CELF2: variants seen among roughly 807,000 people sequenced by gnomAD.
CELF2 encodes CUG triplet repeat RNA-binding protein 2.
A neutral mutation model predicts 62.6 loss-of-function variants in CELF2; 8 were observed. The ratio of observed to expected loss-of-function variants is 0.13; its 90% CI spans 0.07 to 0.23. CELF2 has a LOEUF of 0.23. Ranked by LOEUF, CELF2 falls within the 10% of genes least tolerant of loss-of-function variation. The pLI, the probability that CELF2 is intolerant of heterozygous loss-of-function variation, is 1.00. For synonymous variants in CELF2, 258 were observed against 250.0 expected (o/e 1.03, Z -0.30); for missense variants, 333 against 671.0 (o/e 0.50, Z 5.56).
At chr10:11,133,147 A>G (rs1442109264) in intron 1 of CELF2, among the ~76,000 whole-genome samples, 2 of 152,244 alleles carry the variant, frequency 1.3e-5, no homozygotes, top group African/African-American at 4.8e-5. Context: ...AGCAGGAAAC[A>G]TAAAAGTCTA....
In CELF2 at chr10:11,110,971, A is replaced by G. The variant is rs2055002255; in HGVS notation, c.75-54515A>G. On this transcript the variant is annotated intron_variant, in intron 1 of 12. Coordinates refer to ENST00000633077, the MANE Select transcript of CELF2 (RefSeq NM_001326342.2). This position sits in a 1 kb window ranked among gnomAD's most constrained non-coding sequence, Gnocchi z 4.0. The stretch of plus-strand genomic sequence containing the variant: ...CGTCCAGCAAGGCCCTTTTGGGAGA[A>G]GGGTTATAAGGTTGGAAGATAATCA... 6.6e-6 allele frequency among the ~76,000 whole-genome samples: 1 copy of G among 152,184 alleles called. No homozygotes were observed. Among genetic ancestry groups the G allele is most frequent in the African/African-American group, 2.4e-5 (1 of 41,450 alleles).
At chr10:10,756,662 ATTCCT>A in the CELF2 span, among the ~76,000 whole-genome samples, 3 of 151,986 alleles carry the variant, frequency 2.0e-5, no homozygotes, top group Non-Finnish European at 4.4e-5. Flanking sequence ...ATTTTTATTG[ATTCCT>A]TTATTTTTCT....
the CELF2 span, among the ~76,000 whole-genome samples, chr10:10,485,148 T>G: frequency 6.6e-6 from 1 of 152,212 alleles, no homozygotes; most frequent in East Asian, 1.9e-4. Flanking sequence ...TGATAATAGA[T>G]TCAATTACAT....
chr10:11,314,525 C>T lies in CELF2; in HGVS notation c.1096+267C>T. 2 of 499,750 alleles carry T rather than the reference C, an allele frequency of 4.0e-6. No homozygotes were observed. Among genetic ancestry groups the T allele is most frequent in the South Asian group, 3.9e-5 (2 of 51,456 alleles). 31.0% of individuals were successfully genotyped at this position (499,750 alleles called of 1,614,324 possible). ...CCATGGGGTTCTGTGGCTGGCAGCTCTTTTCAGGTTTCCAGGAGTTTGGTT... is the reference window on the plus strand; with the variant it reads ...CCATGGGGTTCTGTGGCTGGCAGCTTTTTTCAGGTTTCCAGGAGTTTGGTT... On this transcript the variant is annotated intron_variant, in intron 10 of 12. Coordinates refer to ENST00000633077, the MANE Select transcript of CELF2 (RefSeq NM_001326342.2). The surrounding 1 kb of genome is among the most constrained non-coding windows in gnomAD (Gnocchi z 5.3).
At chr10:11,218,936 T>G (rs151143428) in intron 3 of CELF2, among the ~76,000 whole-genome samples, 2 of 152,344 alleles carry the variant, frequency 1.3e-5, no homozygotes, top group African/African-American at 4.8e-5. Flanking sequence ...CAGCCAATAA[T>G]AGATGAAAAT....
the CELF2 span, among the ~76,000 whole-genome samples, chr10:10,592,730 C>G: frequency 6.6e-3 from 1,006 of 152,244 alleles, 5 homozygotes; most frequent in Non-Finnish European, 9.8e-3. Context: ...CTCAGTCACT[C>G]AGCACATTTT....
At chr10:10,937,357 C>T (rs1388315777) in intron 2 of CELF2, 1 of 152,118 alleles carries the variant, frequency 6.6e-6, no homozygotes, top group South Asian at 2.1e-4. Flanking sequence ...TCTCAAACTC[C>T]TGACCTCAGG....
At chr10:10,742,390 A>C in the CELF2 span, among the ~76,000 whole-genome samples, 62,448 of 151,758 alleles carry the variant, frequency 0.41, 13,210 homozygotes, top group South Asian at 0.58. Context: ...GCATTTTGGG[A>C]TGCTTAGGTG....
rs145803560 is a variant in CELF2 at position 10,896,926 on chromosome 10, A to G, written c.54-23038A>G. Among the ~76,000 whole-genome samples the G allele has an allele frequency of 2.9e-3, 439 of 152,292 alleles. 3 individuals carry two copies. The highest frequency in any genetic ancestry group is 9.9e-3 in the African/African-American group (411 of 41,552). ...AAGACTGGGACCATCTGTAATTAGTAATGATGGTCTTAGGAAACTAACGTT... is the reference window on the plus strand; with the variant it reads ...AAGACTGGGACCATCTGTAATTAGTGATGATGGTCTTAGGAAACTAACGTT... On this transcript the variant is annotated intron_variant, in intron 1 of 13. Coordinates refer to the CELF2 transcript ENST00000636488.
rs748543246 is a variant in CELF2 at position 11,018,089 on chromosome 10, C to T, written c.-1C>T. 1.3e-6 allele frequency: 2 copies of T among 1,481,900 alleles called. No individual in the cohort carries two copies. The highest frequency in any genetic ancestry group is 2.1e-5 in the Admixed American group (1 of 47,728). 91.8% of individuals were successfully genotyped at this position (1,481,900 alleles called of 1,614,324 possible). On this transcript the variant is annotated 5_prime_UTR_variant, in exon 1 of 13. Transcript: ENST00000633077. ...CGCTGCCGCCGCGTGCGCCCGCGAA[C>T]ATGACTTCTGCCTTCAAGCTGGATT...
chr10:10,512,379 C>T, the CELF2 span, among the ~76,000 whole-genome samples: 1 of 150,896 alleles, frequency 6.6e-6, no homozygotes, highest in Non-Finnish European at 1.5e-5. Flanking sequence ...CTGAGAAGCC[C>T]AGTCTAGGTA....
chr10:11,150,058 A>G (rs2063037511), intron 1 of CELF2, among the ~76,000 whole-genome samples: 1 of 152,176 alleles, frequency 6.6e-6, no homozygotes. Flanking sequence ...TGTTGTTAAT[A>G]TTTCTGTATC....
chr10:10,697,342 G>C, the CELF2 span, among the ~76,000 whole-genome samples: 3 of 152,176 alleles, frequency 2.0e-5, no homozygotes, highest in Admixed American at 2.0e-4. Flanking sequence ...ATGACAAGCT[G>C]TCCATTGTCA....
the CELF2 span, among the ~76,000 whole-genome samples, chr10:10,481,603 T>G: frequency 6.6e-6 from 1 of 152,132 alleles, no homozygotes; most frequent in African/African-American, 2.4e-5. Context: ...CTGAAAGAAC[T>G]AAAAGTCACA....
At chr10:10,745,660 C>T in the CELF2 span, among the ~76,000 whole-genome samples, 2 of 152,190 alleles carry the variant, frequency 1.3e-5, no homozygotes, top group Non-Finnish European at 1.5e-5. Flanking sequence ...CGCCTATCTT[C>T]GTTCTGCCTC....
At chr10:10,964,473 A>G (rs1411950463) in intron 2 of CELF2, among the ~76,000 whole-genome samples, 4 of 152,180 alleles carry the variant, frequency 2.6e-5, no homozygotes, top group African/African-American at 9.7e-5. Context: ...AGAATTAATG[A>G]CCACCAAAAG....
intron 2 of CELF2, among the ~76,000 whole-genome samples, chr10:11,196,001 C>T (rs769692161): frequency 1.1e-4 from 16 of 150,348 alleles, no homozygotes; most frequent in Non-Finnish European, 2.1e-4. Context: ...CCTTTGTCCA[C>T]GTCCATGGTA....
intron 1 of CELF2, among the ~76,000 whole-genome samples, chr10:11,106,186 CTTTTA>C (rs71378778): frequency 0.11 from 16,083 of 148,664 alleles, 981 homozygotes; most frequent in Non-Finnish European, 0.13. Flanking sequence ...CATCTTGGCA[CTTTTA>C]TTTTATTTTA....
chr10:11,140,278 G>T (rs2061115549), intron 1 of CELF2, among the ~76,000 whole-genome samples: 1 of 152,172 alleles, frequency 6.6e-6, no homozygotes, highest in African/African-American at 2.4e-5. Flanking sequence ...TTCTCAATCT[G>T]TCGCCCATGT....
Sources: allele counts gnomAD v4.1 joint callset (sites outside exome capture counted in the v4.1 genomes callset), GRCh38; gene constraint gnomAD v4.1.1; non-coding constraint Gnocchi (gnomAD v3.1); transcripts MANE v1.5; gene names NCBI Gene and HGNC (gene_info 2026-07-23, HGNC 2026-07-21).